DLGAP1: variants seen among roughly 807,000 people sequenced by gnomAD.
DLGAP1 encodes the protein DLG associated protein 1, also known as disks large-associated protein 1.
Under a neutral mutation model 90.8 loss-of-function variants are expected in DLGAP1, and 11 were observed. The ratio of observed to expected loss-of-function variants is 0.12; its 90% CI spans 0.08 to 0.20. The LOEUF is 0.20. DLGAP1 is among the 10% of genes least tolerant of loss of function. The probability of loss-of-function intolerance (pLI) is 1.00; values close to 1 mark genes in which losing one functional copy is unlikely to be tolerated. For missense variants in DLGAP1, 1,050 were observed against 1,333.8 expected, an observed-to-expected ratio of 0.79 and a Z score of 3.31; for synonymous variants, 558 against 540.7, an observed-to-expected ratio of 1.03 and a Z score of -0.44.
intron 1 of DLGAP1, among the ~76,000 whole-genome samples, chr18:4,335,349 G>A (rs960004412): frequency 2.0e-5 from 3 of 151,940 alleles, no homozygotes; most frequent in African/African-American, 7.3e-5. Flanking sequence ...TCCACTACAC[G>A]AGAGAAAAGA....
chr18:3,835,099 C>A (rs1452846810), intron 4 of DLGAP1, among the ~76,000 whole-genome samples: 1 of 152,092 alleles, frequency 6.6e-6, no homozygotes, highest in Non-Finnish European at 1.5e-5. Context: ...ATGCAAAAAC[C>A]CATATGGCCT....
At chr18:4,209,506 G>A (rs2077796148) in intron 1 of DLGAP1, among the ~76,000 whole-genome samples, 2 of 152,056 alleles carry the variant, frequency 1.3e-5, no homozygotes, top group South Asian at 2.1e-4. Flanking sequence ...TCATTGAAAC[G>A]GATACAGCTA....
chr18:3,641,599 A>ACAC (rs2058947471), intron 7 of DLGAP1, among the ~76,000 whole-genome samples: 1 of 151,182 alleles, frequency 6.6e-6, no homozygotes, highest in South Asian at 2.1e-4. Flanking sequence ...ACACACACAC[A>ACAC]CACACACACA....
At chr18:3,503,543 C>T (rs372308918) in intron 11 of DLGAP1, among the ~76,000 whole-genome samples, 101 of 152,264 alleles carry the variant, frequency 6.6e-4, no homozygotes, top group African/African-American at 2.3e-3. Flanking sequence ...CATGATTAGA[C>T]GGGTGGCAGC....
At chr18:4,180,522 C>A (rs899538351) in intron 1 of DLGAP1, among the ~76,000 whole-genome samples, 1 of 152,198 alleles carries the variant, frequency 6.6e-6, no homozygotes, top group Non-Finnish European at 1.5e-5. Flanking sequence ...GAGCAGGTGG[C>A]ACCGATGGGA....
intron 1 of DLGAP1, among the ~76,000 whole-genome samples, chr18:4,359,262 C>T (rs2144081337): frequency 6.6e-6 from 1 of 152,322 alleles, no homozygotes; most frequent in Middle Eastern, 3.4e-3. Flanking sequence ...CCTTCCTTCT[C>T]CTCTGAACCA....
chr18:3,753,344 G>A (rs928632841), intron 5 of DLGAP1, among the ~76,000 whole-genome samples: 2 of 152,162 alleles, frequency 1.3e-5, no homozygotes, highest in African/African-American at 2.4e-5. Context: ...TTGGAGCTCT[G>A]TTGAAACCAC....
At chr18:3,989,100 G>A (rs772779401) in intron 3 of DLGAP1, among the ~76,000 whole-genome samples, 3 of 152,180 alleles carry the variant, frequency 2.0e-5, no homozygotes, top group South Asian at 4.1e-4. Flanking sequence ...CCCAGGACCC[G>A]GTCCCTATGC....
intron 4 of DLGAP1, among the ~76,000 whole-genome samples, chr18:3,830,341 G>A (rs191640745): frequency 1.0e-3 from 155 of 152,246 alleles, no homozygotes; most frequent in Non-Finnish European, 1.7e-3. Flanking sequence ...TGAGGTGGGC[G>A]GATCACGATG....
At chr18:3,579,366 A>G (rs149520317) in intron 8 of DLGAP1, among the ~76,000 whole-genome samples, 3,220 of 152,028 alleles carry the variant, frequency 0.021, 119 homozygotes, top group African/African-American at 0.073. Context: ...ATGCGCCACC[A>G]CCCCCAGCTA....
intron 3 of DLGAP1, among the ~76,000 whole-genome samples, chr18:3,923,771 G>A (rs948116215): frequency 1.3e-5 from 2 of 152,204 alleles, no homozygotes; most frequent in African/African-American, 4.8e-5. Context: ...TACTAAAACA[G>A]TAATCCTGTT....
Position 3,815,758 on chromosome 18 carries a change from G to GA in DLGAP1, c.958-1486dup, listed in dbSNP as rs1189074560. ...ATTCCTTCTTCATTTTTCATGACGTGAAAAAAAATGCATAATAACCACTCT... is the reference window on the plus strand; with the variant it reads ...ATTCCTTCTTCATTTTTCATGACGTGAAAAAAAAATGCATAATAACCACTCT... On this transcript the variant is annotated intron_variant, in intron 4 of 12. Coordinates refer to ENST00000315677, the MANE Select transcript of DLGAP1 (RefSeq NM_004746.4). 2.0e-4 allele frequency among the ~76,000 whole-genome samples: 30 copies of GA among 151,456 alleles called. No homozygotes were observed. In the East Asian group the frequency reaches 3.5e-3, roughly 18 times the overall value.
At chr18:3,949,842 AC>A (rs896241382) in intron 3 of DLGAP1, among the ~76,000 whole-genome samples, 1 of 152,152 alleles carries the variant, frequency 6.6e-6, no homozygotes, top group African/African-American at 2.4e-5. Context: ...CATAAATCAC[AC>A]TGGAAAAATA....
chr18:4,195,029 C>T (rs990430685), intron 1 of DLGAP1, among the ~76,000 whole-genome samples: 1 of 152,022 alleles, frequency 6.6e-6, no homozygotes, highest in Non-Finnish European at 1.5e-5. Flanking sequence ...AAACTTTTTC[C>T]TCCTGTCTAC....
Position 3,529,817 on chromosome 18 carries a change from T to C in DLGAP1, c.2479+4377A>G, listed in dbSNP as rs550191253. 2.6e-5 allele frequency among the ~76,000 whole-genome samples: 4 copies of C among 152,368 alleles called. 1 individual carries two copies. The highest frequency in any genetic ancestry group is 9.6e-5 in the African/African-American group (4 of 41,582). On this transcript the variant is annotated intron_variant, in intron 10 of 12. Transcript: ENST00000315677. ...TTGGGCAGTTCCCTCATGTTCATTA[T>C]CTTGGGACTTTGCCAGCAGTGTACA...
chr18:3,672,387 G>A (rs9949818), intron 7 of DLGAP1, among the ~76,000 whole-genome samples: 37,466 of 151,332 alleles, frequency 0.25, 5,073 homozygotes, highest in African/African-American at 0.34. Context: ...AGACCAGCCT[G>A]GGCAATATGG....
At chr18:3,674,241 A>G (rs2060203145) in intron 7 of DLGAP1, among the ~76,000 whole-genome samples, 1 of 150,700 alleles carries the variant, frequency 6.6e-6, no homozygotes, top group East Asian at 2.0e-4. Flanking sequence ...TCTTGAGGCC[A>G]GGAGTTTGAG....
intron 4 of DLGAP1, among the ~76,000 whole-genome samples, chr18:3,858,590 G>T (rs2069825760): frequency 6.6e-6 from 1 of 151,562 alleles, no homozygotes; most frequent in Admixed American, 6.6e-5. Context: ...CAAGATGTAT[G>T]CATTTACATG....
intron 4 of DLGAP1, among the ~76,000 whole-genome samples, chr18:3,871,175 A>G (rs2070728755): frequency 6.6e-6 from 1 of 152,222 alleles, no homozygotes; most frequent in African/African-American, 2.4e-5. Flanking sequence ...TGGCAAGATG[A>G]CTGATTTCAT....
Sources: allele counts gnomAD v4.1 joint callset (sites outside exome capture counted in the v4.1 genomes callset), GRCh38; gene constraint gnomAD v4.1.1; transcripts MANE v1.5; gene names NCBI Gene and HGNC (gene_info 2026-07-23, HGNC 2026-07-21).